WWOX: variants seen among roughly 807,000 people sequenced by gnomAD.
The protein encoded by WWOX is WW domain-containing oxidoreductase.
Under a neutral mutation model 46.2 loss-of-function variants are expected in WWOX, and 69 were observed. The observed-to-expected ratio is 1.49, with a 90% CI of 1.23 to 1.82. The LOEUF is 1.82. Among genes scored for constraint, WWOX ranks in the 40% most tolerant of loss-of-function variants. WWOX has a pLI of 0.00. For missense variants in WWOX, 919 were observed against 542.6 expected, an observed-to-expected ratio of 1.69 and a Z score of -6.89; for synonymous variants, 359 against 202.6, an observed-to-expected ratio of 1.77 and a Z score of -6.56.
At chr16:78,485,714 C>A (rs549172718) in intron 8 of WWOX, among the ~76,000 whole-genome samples, 37 of 152,196 alleles carry the variant, frequency 2.4e-4, no homozygotes, top group Non-Finnish European at 4.6e-4. Context: ...TTTGCTTGAA[C>A]GCTGGCTCCA....
rs774464146 is a variant in WWOX at position 78,842,974 on chromosome 16, G to A, written c.1057-368634G>A. Among the ~76,000 whole-genome samples, 32 of 150,200 alleles carry A rather than the reference G, an allele frequency of 2.1e-4. 5 individuals carry two copies. Among genetic ancestry groups the A allele is most frequent in the Non-Finnish European group, 4.3e-4 (29 of 67,086 alleles). On this transcript the variant is annotated intron_variant, in intron 8 of 8. Transcript: ENST00000566780. ...GAAAAATGCACGCACCCACAGGCAC[G>A]CTTCACAGGACTGGCAGGTGGAGAG... is the stretch of plus-strand genomic sequence containing the variant.
chr16:79,119,787 A>T (rs892483038), intron 8 of WWOX, among the ~76,000 whole-genome samples: 2 of 152,162 alleles, frequency 1.3e-5, no homozygotes, highest in Non-Finnish European at 2.9e-5. Flanking sequence ...GCTGAACCCT[A>T]TTAACCTCAT....
intron 8 of WWOX, among the ~76,000 whole-genome samples, chr16:79,134,500 G>T (rs2049944804): frequency 6.6e-6 from 1 of 152,088 alleles, no homozygotes; most frequent in Non-Finnish European, 1.5e-5. Flanking sequence ...CCTGCGGATT[G>T]TTTGTTGTTC....
rs55994905 is a variant in WWOX at position 78,832,276 on chromosome 16, G to T, written c.1057-379332G>T. 5.0e-3 allele frequency among the ~76,000 whole-genome samples: 757 copies of T among 152,258 alleles called. 6 individuals carry two copies. Among genetic ancestry groups the T allele is most frequent in the African/African-American group, 0.017 (725 of 41,560 alleles). On this transcript the variant is annotated intron_variant, in intron 8 of 8. Transcript: ENST00000566780. ...TGGGGGCCTCTCTGTACAGCTTCAGGAGCAGCCTCACAATATGTCATCTGG... is the reference window on the plus strand; with the variant it reads ...TGGGGGCCTCTCTGTACAGCTTCAGTAGCAGCCTCACAATATGTCATCTGG...
Position 79,145,086 on chromosome 16 carries a change from C to T in WWOX, c.1057-66522C>T, listed in dbSNP as rs2050160516. ...TCTTGGATTTTGTTGAATGGTGCCA[C>T]TGATTATGGGTCAGAGCTTGTTGAA... is the stretch of plus-strand genomic sequence containing the variant. On this transcript the variant is annotated intron_variant, in intron 8 of 8. Transcript: ENST00000566780. Among the ~76,000 whole-genome samples the T allele has an allele frequency of 2.6e-5, 4 of 152,156 alleles. No homozygotes were observed. In the South Asian group the frequency reaches 8.3e-4, roughly 32 times the overall value.
At chr16:78,127,925 CTG>C in intron 4 of WWOX, among the ~76,000 whole-genome samples, 1 of 152,306 alleles carries the variant, frequency 6.6e-6, no homozygotes, top group African/African-American at 2.4e-5. Context: ...ACTTAACCAT[CTG>C]AGCCTTAATT....
At chr16:78,137,012 G>A (rs1307948267) in intron 4 of WWOX, among the ~76,000 whole-genome samples, 1 of 152,148 alleles carries the variant, frequency 6.6e-6, no homozygotes, top group Non-Finnish European at 1.5e-5. Context: ...CGTGTGCCCG[G>A]TTCTCAATCC....
chr16:79,129,764 A>G (rs1037522987), intron 8 of WWOX, among the ~76,000 whole-genome samples: 2 of 152,200 alleles, frequency 1.3e-5, no homozygotes, highest in Non-Finnish European at 2.9e-5. Flanking sequence ...GCATTGAATT[A>G]TCTAGCTCAT....
chr16:79,026,478 A>G (rs1034088362), intron 8 of WWOX, among the ~76,000 whole-genome samples: 1 of 151,562 alleles, frequency 6.6e-6, no homozygotes, highest in Non-Finnish European at 1.5e-5. Context: ...GCAGTTCTGT[A>G]CTTGTTCATG....
intron 8 of WWOX, among the ~76,000 whole-genome samples, chr16:79,050,133 C>G (rs917262465): frequency 1.3e-5 from 2 of 152,134 alleles, no homozygotes; most frequent in Non-Finnish European, 2.9e-5. Flanking sequence ...CTGAGTGGCT[C>G]ACGGCAATCA....
At chr16:78,862,229 TATCTATACAC>T (rs2043903224) in intron 8 of WWOX, among the ~76,000 whole-genome samples, 1 of 139,492 alleles carries the variant, frequency 7.2e-6, no homozygotes, top group South Asian at 2.3e-4. Context: ...TGTCTGTCTG[TATCTATACAC>T]ACCTATGGGT....
chr16:78,799,329 A>C (rs75530271), intron 8 of WWOX, among the ~76,000 whole-genome samples: 3,049 of 152,264 alleles, frequency 0.02, 82 homozygotes, highest in African/African-American at 0.057. Flanking sequence ...TGCTAACAAA[A>C]ATCACTTTTA....
intron 8 of WWOX, among the ~76,000 whole-genome samples, chr16:78,920,490 G>C (rs892998393): frequency 6.6e-6 from 1 of 152,178 alleles, no homozygotes; most frequent in South Asian, 2.1e-4. Flanking sequence ...TGGAGGAACT[G>C]CTGCCTGCAT....
At chr16:78,610,929 G>C (rs903505878) in intron 8 of WWOX, among the ~76,000 whole-genome samples, 8 of 152,090 alleles carry the variant, frequency 5.3e-5, no homozygotes, top group Non-Finnish European at 1.0e-4. Flanking sequence ...AGGACAGTGA[G>C]AACGAACGGA....
At chr16:78,787,356 C>T (rs936515628) in intron 8 of WWOX, among the ~76,000 whole-genome samples, 1 of 152,166 alleles carries the variant, frequency 6.6e-6, no homozygotes, top group Non-Finnish European at 1.5e-5. Context: ...CTCATAACCA[C>T]ATCTACTTTG....
At chr16:78,600,526 A>G (rs1333884702) in intron 8 of WWOX, among the ~76,000 whole-genome samples, 1 of 152,158 alleles carries the variant, frequency 6.6e-6, no homozygotes, top group Non-Finnish European at 1.5e-5. Flanking sequence ...AGAATGAAAG[A>G]TGAGGGCAGG....
chr16:79,129,630 A>C (rs1387842634), intron 8 of WWOX, among the ~76,000 whole-genome samples: 1 of 152,108 alleles, frequency 6.6e-6, no homozygotes, highest in Non-Finnish European at 1.5e-5. Context: ...ATAAATTCTC[A>C]AATGAAATTC....
chr16:78,566,707 A>G (rs2044577460), intron 8 of WWOX, among the ~76,000 whole-genome samples: 1 of 152,186 alleles, frequency 6.6e-6, no homozygotes, highest in South Asian at 2.1e-4. Context: ...TGGAAATTTT[A>G]GTGACACCAA....
intron 5 of WWOX, among the ~76,000 whole-genome samples, chr16:78,270,884 T>A (rs1195604556): frequency 6.6e-6 from 1 of 152,124 alleles, no homozygotes. Context: ...GGCCCGAAGA[T>A]GAAGGTACTT....
Sources: allele counts gnomAD v4.1 joint callset (sites outside exome capture counted in the v4.1 genomes callset), GRCh38; gene constraint gnomAD v4.1.1; transcripts MANE v1.5; gene names NCBI Gene and HGNC (gene_info 2026-07-23, HGNC 2026-07-21).